Variants in CCDC47 observed in about 807,000 individuals in gnomAD.
CCDC47 encodes the protein coiled-coil domain containing 47.
A neutral mutation model predicts 60.5 loss-of-function variants in CCDC47; 41 were observed. The ratio of observed to expected loss-of-function variants is 0.68; its 90% CI spans 0.53 to 0.88. The LOEUF is 0.88. CCDC47 is among the 40% of genes least tolerant of loss of function. CCDC47 has a pLI of 0.00. For synonymous variants in CCDC47, 195 were observed against 190.7 expected (o/e 1.02, Z -0.18); for missense variants, 513 against 580.9 (o/e 0.88, Z 1.20).
chr17:63,753,537 G>T, intron 9 of CCDC47: 2 of 642,874 alleles, frequency 3.1e-6, no homozygotes, highest in Non-Finnish European at 3.9e-6. Flanking sequence ...AATTTAGTCA[G>T]AACCAGTTTC....
At position 63,761,332 on chromosome 17, in the gene CCDC47, T is replaced by G. The variant is rs2039258302; in HGVS notation, c.567A>C (p.Lys189Asn). 1 of 1,613,868 alleles carries G rather than the reference T, an allele frequency of 6.2e-7. No homozygotes were observed. Among genetic ancestry groups the G allele is most frequent in the East Asian group, 2.2e-5 (1 of 44,882 alleles). Residue 189 changes from lysine (K) to asparagine (N), a missense_variant, in exon 5 of 13, where the codon AAA becomes AAC. Physicochemically the swap from Lys to Asn is moderately conservative, Grantham distance 94. Coordinates refer to ENST00000225726, the MANE Select transcript of CCDC47 (RefSeq NM_020198.3). Reference protein sequence around the residue: ...FTLVGDDGTNKEATSTGKLNQ... With the variant: ...FTLVGDDGTNNEATSTGKLNQ... ...TCAACTTTCCTGTGCTTGTGGCTTC[T>G]TTGTTAGTTCCATCATCCCCTAGGG...
In CCDC47 at chr17:63,761,223, T is replaced by A; in HGVS notation, c.669+7A>T. 6.2e-7 allele frequency: 1 copy of A among 1,614,134 alleles called. No individual in the cohort carries two copies. The highest frequency in any genetic ancestry group is 8.5e-7 in the Non-Finnish European group (1 of 1,180,008). On this transcript the variant is annotated splice_region_variant and intron_variant, in intron 5 of 12. Transcript: ENST00000225726. ...GATATATATCGTACAAGAAGTTTCC[T>A]ACTTACCCTCAGCTGGATAAGCATG...
At chr17:63,754,393 G>C (rs2039189498) in intron 9 of CCDC47, 40 bp downstream of exon 9, 4 of 1,224,946 alleles carry the variant, frequency 3.3e-6, no homozygotes, top group Non-Finnish European at 4.8e-6. Context: ...CAGAAAGCTA[G>C]TGAGGAAAAT....
chr17:63,765,057 CAGTT>C, intron 2 of CCDC47: 1 of 621,708 alleles, frequency 1.6e-6, no homozygotes, highest in Non-Finnish European at 2.0e-6. Flanking sequence ...AAGGTGACTA[CAGTT>C]AATAATAATG....
Position 63,746,092 on chromosome 17 carries a change from T to C in CCDC47, c.*789A>G, listed in dbSNP as rs2039118385. ...TTTGTGATTTCACACAGACCAATGA[T>C]CTTACCTAGGTGAAGCATTAATTTT... On this transcript the variant is annotated 3_prime_UTR_variant, in exon 13 of 13. Transcript: ENST00000225726. The C allele has an allele frequency of 6.6e-6, 1 of 152,226 alleles. No individual in the cohort carries two copies. Among genetic ancestry groups the C allele is most frequent in the Admixed American group, 6.5e-5 (1 of 15,276 alleles). 9.4% of individuals were successfully genotyped at this position (152,226 alleles called of 1,614,324 possible). A position where few individuals can be genotyped will look rare whatever the true frequency, so the allele number is the denominator to read the frequency against.
At chr17:63,754,794 A>G (rs1051986754) in intron 8 of CCDC47, among the ~76,000 whole-genome samples, 2 of 151,784 alleles carry the variant, frequency 1.3e-5, no homozygotes, top group African/African-American at 4.8e-5. Context: ...GAGGCACGAG[A>G]AGCGTTTGAA....
chr17:63,746,702 A>T lies in CCDC47; in HGVS notation c.*179T>A. The T allele has an allele frequency of 2.1e-6, 1 of 471,636 alleles. No individual in the cohort carries two copies. Among genetic ancestry groups the T allele is most frequent in the East Asian group, 3.1e-5 (1 of 31,988 alleles). The allele number at this position is 471,636 out of a possible 1,614,324, so 29.2% of individuals were successfully genotyped here. ...AAATTCTTGAAACAGAGCCCTTTCC[A>T]GGTATCTTCAATCTCTGTAAAACCC... On this transcript the variant is annotated 3_prime_UTR_variant, in exon 13 of 13. Transcript: ENST00000225726.
In CCDC47 at chr17:63,751,943, C is replaced by T. The variant is rs144772111; in HGVS notation, c.1368G>A (p.Leu456=). The change falls in exon 12 of 13, where the codon CTG becomes CTA. Residue 456 remains leucine (L), a synonymous_variant. Transcript: ENST00000225726. ...NEEDPEKQRR[L]EEAALRREQK... The stretch of plus-strand genomic sequence containing the variant: ...CCCAGTGATAAGTTTGTCTAACCTC[C>T]AGCCTGCGCTGTTTCTCAGGATCTT... 5 of 1,613,622 alleles carry T rather than the reference C, an allele frequency of 3.1e-6. No homozygotes were observed. In the African/African-American group the frequency reaches 6.7e-5, roughly 22 times the overall value.
Position 63,770,554 on chromosome 17 carries a change from T to C in CCDC47, c.-20+2858A>G, listed in dbSNP as rs1009156757. 3.9e-5 allele frequency among the ~76,000 whole-genome samples: 6 copies of C among 152,160 alleles called. No homozygotes were observed. The South Asian group carries it at 6.2e-4, about 16-fold the overall frequency. ...AGTGAGAGTATGGCAAAGGGAAATA[T>C]GTACTACTCTTTCAAGGTGCTCTGA... is the stretch of plus-strand genomic sequence containing the variant. On this transcript the variant is annotated intron_variant, in intron 1 of 12. Transcript: ENST00000225726.
At chr17:63,759,278 C>G (rs892737576) in intron 6 of CCDC47, among the ~76,000 whole-genome samples, 3 of 150,680 alleles carry the variant, frequency 2.0e-5, no homozygotes, top group African/African-American at 7.3e-5. Flanking sequence ...CACCTGAGGT[C>G]AGAAGTTCGA....
chr17:63,746,665 A>T lies in CCDC47; in HGVS notation c.*216T>A, dbSNP rs539573608. ...ATAAAATAATCAAAATAATTTGATT[A>T]TCTGGAAAAAAAAATTCTTGAAACA... On this transcript the variant is annotated 3_prime_UTR_variant, in exon 13 of 13. Coordinates refer to ENST00000225726, the MANE Select transcript of CCDC47 (RefSeq NM_020198.3). The T allele has an allele frequency of 4.8e-5, 21 of 434,338 alleles. 1 individual carries two copies. The East Asian group carries it at 7.0e-4, about 15-fold the overall frequency. 26.9% of individuals were successfully genotyped at this position (434,338 alleles called of 1,614,324 possible).
Position 63,766,019 on chromosome 17 carries a change from A to G in CCDC47, c.157T>C (p.Ser53Pro). 6.2e-7 allele frequency: 1 copy of G among 1,613,960 alleles called. No individual in the cohort carries two copies. Among genetic ancestry groups the G allele is most frequent in the Non-Finnish European group, 8.5e-7 (1 of 1,179,970 alleles). ...EDVMEDSVTE[S>P]PQRVIITEDD... ...TCAGTGATTATGACCCGTTGAGGAG[A>G]TTCAGTAACAGAGTCTTCCATGACA... Residue 53 changes from serine to proline, a missense_variant, in exon 2 of 13, where the codon TCT becomes CCT. By Grantham distance (74) the Ser-to-Pro change is moderately conservative. Transcript: ENST00000225726.
rs753412126 is a variant in CCDC47, at chr17:63,764,232, G to T, written c.373-42C>A. 2.0e-5 allele frequency: 29 copies of T among 1,446,052 alleles called. No individual in the cohort carries two copies. In the Admixed American group the frequency reaches 6.3e-4, roughly 31 times the overall value. The allele number at this position is 1,446,052 out of a possible 1,614,324, so 89.6% of individuals were successfully genotyped here. A position where few individuals can be genotyped will look rare whatever the true frequency, so the allele number is the denominator to read the frequency against. ...ATTCCATTAAATGTTGGCTGAGACT[G>T]AAGAATGAAATCTACCTCATGGCAG... is the stretch of plus-strand genomic sequence containing the variant. On this transcript the variant is annotated intron_variant, in intron 3 of 12. Coordinates refer to ENST00000225726, the MANE Select transcript of CCDC47 (RefSeq NM_020198.3).
intron 4 of CCDC47, 91 bp downstream of exon 4, chr17:63,763,925 A>G: frequency 1.1e-6 from 1 of 921,010 alleles, no homozygotes. Flanking sequence ...GTATTCCATG[A>G]AAGCAGTTAG....
chr17:63,754,929 C>CT, intron 8 of CCDC47, among the ~76,000 whole-genome samples: 1 of 151,412 alleles, frequency 6.6e-6, no homozygotes, highest in East Asian at 1.9e-4. Flanking sequence ...TCAATCCTTA[C>CT]TTTTATACAA....
chr17:63,769,624 A>AAAAAAAG lies in CCDC47; in HGVS notation c.-19-3431_-19-3430insCTTTTTT, dbSNP rs1555717184. Among the ~76,000 whole-genome samples, 5 of 151,546 alleles carry AAAAAAAG rather than the reference A, an allele frequency of 3.3e-5. No homozygotes were observed. The East Asian group carries it at 7.7e-4, about 23-fold the overall frequency. On this transcript the variant is annotated intron_variant, in intron 1 of 12. Coordinates refer to ENST00000225726, the MANE Select transcript of CCDC47 (RefSeq NM_020198.3). The stretch of plus-strand genomic sequence containing the variant: ...GTGAAACTCCATCTCAAAAAAAAAA[A>AAAAAAAG]AAAAGAAAAGAAAAGAAAAGAAAAA...
chr17:63,761,136 C>T lies in CCDC47; in HGVS notation c.669+94G>A, dbSNP rs2039255883. 4.0e-6 allele frequency: 6 copies of T among 1,512,294 alleles called. No individual in the cohort carries two copies. In the South Asian group the frequency reaches 6.8e-5, roughly 17 times the overall value. 93.7% of individuals were successfully genotyped at this position (1,512,294 alleles called of 1,614,324 possible). A position where few individuals can be genotyped will look rare whatever the true frequency, so the allele number is the denominator to read the frequency against. ...CTTTTAGACCTCATTTTAAGTCAAA[C>T]ATGAAGGGATAAGATGCTGAATTGG... On this transcript the variant is annotated intron_variant, in intron 5 of 12. Coordinates refer to ENST00000225726, the MANE Select transcript of CCDC47 (RefSeq NM_020198.3).
At chr17:63,756,196 T>C (rs1162470560) in intron 8 of CCDC47, 44 bp downstream of exon 8, 1 of 1,348,238 alleles carries the variant, frequency 7.4e-7, no homozygotes. Context: ...GAGTGTCCTG[T>C]AAATGCCAAG....
intron 12 of CCDC47, 33 bp downstream of exon 12, chr17:63,751,907 C>T (rs745642844): frequency 9.3e-6 from 15 of 1,610,366 alleles, no homozygotes; most frequent in Admixed American, 8.3e-5. Flanking sequence ...CCTTACAAAT[C>T]GTAGTTTTAC....
Sources: allele counts gnomAD v4.1 joint callset (sites outside exome capture counted in the v4.1 genomes callset), GRCh38; gene constraint gnomAD v4.1.1; transcripts MANE v1.5; gene names NCBI Gene and HGNC (gene_info 2026-07-23, HGNC 2026-07-21).